The following WNT2B variants were observed in gnomAD, a reference collection of about 807,000 sequenced individuals.
WNT2B encodes the protein Wnt family member 2B, also known as protein Wnt-2b.
In WNT2B, 19 loss-of-function variants were observed where a neutral mutation model predicts 40.5. The observed-to-expected ratio is 0.47, with a 90% CI of 0.33 to 0.69. The LOEUF is 0.69. WNT2B is among the 30% of genes least tolerant of loss of function. WNT2B has a pLI of 0.02. For synonymous variants in WNT2B, 220 were observed against 211.9 expected (o/e 1.04, Z -0.33); for missense variants, 467 against 556.4 (o/e 0.84, Z 1.62).
At chr1:112,505,944 G>A (rs1385664500), upstream of WNT2B, among the ~76,000 whole-genome samples, 1 of 152,150 alleles carries the variant, frequency 6.6e-6, no homozygotes, top group Admixed American at 6.5e-5. Context: ...AGCTGCTGAT[G>A]TTTCTGGCTG....
intron 1 of WNT2B, among the ~76,000 whole-genome samples, chr1:112,489,267 GA>G (rs1266462596): frequency 6.7e-6 from 1 of 148,798 alleles, no homozygotes; most frequent in Admixed American, 6.7e-5. Flanking sequence ...AAAAGAAAAA[GA>G]AAAAAAAAGG....
intron 1 of WNT2B, among the ~76,000 whole-genome samples, chr1:112,474,083 GAAAGAA>G (rs1650980356): frequency 2.2e-5 from 3 of 138,396 alleles, no homozygotes; most frequent in Admixed American, 7.3e-5. Context: ...AAAAAAAAAA[GAAAGAA>G]AAAGAAAAAG....
At position 112,527,768 on chromosome 1, in the gene WNT2B, C is replaced by T. The variant is rs1459394663; in HGVS notation, c.*7259C>T. 3 of 152,424 alleles carry T rather than the reference C, an allele frequency of 2.0e-5. No homozygotes were observed. In the East Asian group the frequency reaches 5.8e-4, roughly 29 times the overall value. 9.4% of individuals were successfully genotyped at this position (152,424 alleles called of 1,614,324 possible). ...GATTGTCAAGCTAGAGGGTTAACTCCTTCCCAATTGTAGGGATCTATTCAG... is the reference window on the plus strand; with the variant it reads ...GATTGTCAAGCTAGAGGGTTAACTCTTTCCCAATTGTAGGGATCTATTCAG... On this transcript the variant is annotated 3_prime_UTR_variant, in exon 5 of 5. Coordinates refer to ENST00000369684, the MANE Select transcript of WNT2B (RefSeq NM_024494.3).
intron 1 of WNT2B, among the ~76,000 whole-genome samples, chr1:112,493,696 G>A (rs539290921): frequency 7.5e-4 from 114 of 151,958 alleles, no homozygotes; most frequent in African/African-American, 2.5e-3. Flanking sequence ...AACCAAGAAC[G>A]GCGGGACAAC....
intron 1 of WNT2B, among the ~76,000 whole-genome samples, chr1:112,494,773 G>C (rs1405189469): frequency 1.3e-5 from 2 of 151,464 alleles, no homozygotes; most frequent in Non-Finnish European, 2.9e-5. Context: ...TCTTTAGAGA[G>C]AAGCAAAATA....
At chr1:112,495,121 G>A (rs1651720908) in intron 1 of WNT2B, among the ~76,000 whole-genome samples, 1 of 151,250 alleles carries the variant, frequency 6.6e-6, no homozygotes, top group Non-Finnish European at 1.5e-5. Flanking sequence ...ACTAAGCAAT[G>A]TAAAAAAATA....
chr1:112,504,650 C>G (rs1337178773), upstream of WNT2B, among the ~76,000 whole-genome samples: 2 of 152,152 alleles, frequency 1.3e-5, no homozygotes. Flanking sequence ...GCATTAGTTA[C>G]CTGTGTGAAC....
At chr1:112,495,578 G>C (rs1651738866) in intron 1 of WNT2B, among the ~76,000 whole-genome samples, 1 of 144,194 alleles carries the variant, frequency 6.9e-6, no homozygotes, top group Admixed American at 7.0e-5. Flanking sequence ...GACAGAGCGA[G>C]ACTCTGTCTC....
chr1:112,486,248 G>A (rs978885255), intron 1 of WNT2B, among the ~76,000 whole-genome samples: 4 of 152,026 alleles, frequency 2.6e-5, no homozygotes, highest in African/African-American at 9.7e-5. Context: ...TTTGAGGCCA[G>A]CCTGGGCAAC....
chr1:112,525,859 A>G lies in WNT2B; in HGVS notation c.*5350A>G. The G allele has an allele frequency of 3.8e-6, 4 of 1,055,006 alleles. No homozygotes were observed. The highest frequency in any genetic ancestry group is 5.2e-6 in the Non-Finnish European group (4 of 766,030). The allele number at this position is 1,055,006 out of a possible 1,614,324, so 65.4% of individuals were successfully genotyped here. On this transcript the variant is annotated 3_prime_UTR_variant, in exon 5 of 5. Coordinates refer to ENST00000369684, the MANE Select transcript of WNT2B (RefSeq NM_024494.3). ...TTCCAAGGGGGGTTTGCCTAGGAAT[A>G]ACAATATTCATAAGAAGCTTTTTCA... is the stretch of plus-strand genomic sequence containing the variant.
chr1:112,501,241 C>T (rs1477002051), intron 1 of WNT2B, among the ~76,000 whole-genome samples: 1 of 152,158 alleles, frequency 6.6e-6, no homozygotes, highest in Non-Finnish European at 1.5e-5. Flanking sequence ...TGTTTTATCG[C>T]ATCATATCAA....
Position 112,509,017 on chromosome 1 carries a change from C to G in WNT2B, c.-246C>G. 2.2e-6 allele frequency: 3 copies of G among 1,345,642 alleles called. No homozygotes were observed. Among genetic ancestry groups the G allele is most frequent in the Non-Finnish European group, 2.8e-6 (3 of 1,057,902 alleles). 83.4% of individuals were successfully genotyped at this position (1,345,642 alleles called of 1,614,324 possible). ...CGCCGCAGACCCCCTGACACCGCAC[C>G]CGGTCCTCAGGCAGCGCGCCCCAGA... On this transcript the variant is annotated 5_prime_UTR_variant, in exon 1 of 5. Coordinates refer to ENST00000369684, the MANE Select transcript of WNT2B (RefSeq NM_024494.3). The surrounding 1 kb of genome is among the most constrained non-coding windows in gnomAD (Gnocchi z 4.2).
Position 112,516,134 on chromosome 1 carries a change from C to T in WNT2B, c.404-6C>T. On this transcript the variant is annotated splice_region_variant and splice_polypyrimidine_tract_variant and intron_variant, in intron 2 of 4. Coordinates refer to ENST00000369684, the MANE Select transcript of WNT2B (RefSeq NM_024494.3). ...CTGAAGCACACCTCTACAATTCTCTCTCTAGGTAGCCGAGAGGCAGCTTTT... is the reference window on the plus strand; with the variant it reads ...CTGAAGCACACCTCTACAATTCTCTTTCTAGGTAGCCGAGAGGCAGCTTTT... 6.2e-7 allele frequency: 1 copy of T among 1,608,238 alleles called. No individual in the cohort carries two copies. Among genetic ancestry groups the T allele is most frequent in the Non-Finnish European group, 8.5e-7 (1 of 1,175,792 alleles).
At chr1:112,517,850 A>C in intron 4 of WNT2B, 1 of 156,968 alleles carries the variant, frequency 6.4e-6, no homozygotes, top group Admixed American at 6.1e-5. Context: ...AAAAAAAGAA[A>C]CTAGAATTTA....
Position 112,520,598 on chromosome 1 carries a change from A to C in WNT2B, c.*89A>C. The stretch of plus-strand genomic sequence containing the variant: ...GCATGCACACCTTCCTCCACCCTCC[A>C]CCCTGGGCTGCTACCGCTTCTATTT... On this transcript the variant is annotated 3_prime_UTR_variant, in exon 5 of 5. Transcript: ENST00000369684. 2 of 1,317,692 alleles carry C rather than the reference A, an allele frequency of 1.5e-6. No homozygotes were observed. Among genetic ancestry groups the C allele is most frequent in the Non-Finnish European group, 2.1e-6 (2 of 941,358 alleles). The allele number at this position is 1,317,692 out of a possible 1,614,324, so 81.6% of individuals were successfully genotyped here. A position where few individuals can be genotyped will look rare whatever the true frequency, so the allele number is the denominator to read the frequency against.
At position 112,530,124 on chromosome 1, in the gene WNT2B, A is replaced by T. The variant is rs1654129128; in HGVS notation, c.*9615A>T. The T allele has an allele frequency of 6.6e-6, 1 of 152,238 alleles. No individual in the cohort carries two copies. The highest frequency in any genetic ancestry group is 2.1e-4 in the South Asian group (1 of 4,832). 9.4% of individuals were successfully genotyped at this position (152,238 alleles called of 1,614,324 possible). A position where few individuals can be genotyped will look rare whatever the true frequency, so the allele number is the denominator to read the frequency against. On this transcript the variant is annotated 3_prime_UTR_variant, in exon 5 of 5. Coordinates refer to ENST00000369684, the MANE Select transcript of WNT2B (RefSeq NM_024494.3). The stretch of plus-strand genomic sequence containing the variant: ...AGCTCAGAGAAGTGAGCGACAAGCT[A>T]GAGAAGTAATAATTACCAATAAAGT...
chr1:112,475,484 A>G (rs907646979), intron 1 of WNT2B, among the ~76,000 whole-genome samples: 18 of 152,240 alleles, frequency 1.2e-4, no homozygotes, highest in Non-Finnish European at 1.8e-4. Flanking sequence ...ATCTCTCTAA[A>G]GAGTTATCAC....
At position 112,509,060 on chromosome 1, in the gene WNT2B, C is replaced by G; in HGVS notation, c.-203C>G. The G allele has an allele frequency of 1.5e-6, 2 of 1,355,418 alleles. No homozygotes were observed. Among genetic ancestry groups the G allele is most frequent in the South Asian group, 1.9e-5 (1 of 52,520 alleles). The allele number at this position is 1,355,418 out of a possible 1,614,324, so 84.0% of individuals were successfully genotyped here. ...GCCCCAGACCCCGGGTTCGGCACGC[C>G]GTCGTCGGCTTCCGGACATCGCAAC... On this transcript the variant is annotated 5_prime_UTR_variant, in exon 1 of 5. Transcript: ENST00000369684. The surrounding 1 kb of genome is among the most constrained non-coding windows in gnomAD (Gnocchi z 4.2).
rs1416648552 is a variant in WNT2B at position 112,529,578 on chromosome 1, C to T, written c.*9069C>T. The T allele has an allele frequency of 6.6e-6, 1 of 151,998 alleles. No individual in the cohort carries two copies. Among genetic ancestry groups the T allele is most frequent in the Non-Finnish European group, 1.5e-5 (1 of 68,006 alleles). The allele number at this position is 151,998 out of a possible 1,614,324, so 9.4% of individuals were successfully genotyped here. A position where few individuals can be genotyped will look rare whatever the true frequency, so the allele number is the denominator to read the frequency against. ...CTAACTGGCTTATTTTTCATCTGTTCTCCCAGAGAAGCTATTATAAGATAG... is the reference window on the plus strand; with the variant it reads ...CTAACTGGCTTATTTTTCATCTGTTTTCCCAGAGAAGCTATTATAAGATAG... On this transcript the variant is annotated 3_prime_UTR_variant, in exon 5 of 5. Transcript: ENST00000369684.
Sources: allele counts gnomAD v4.1 joint callset (sites outside exome capture counted in the v4.1 genomes callset), GRCh38; gene constraint gnomAD v4.1.1; non-coding constraint Gnocchi (gnomAD v3.1); transcripts MANE v1.5; gene names NCBI Gene and HGNC (gene_info 2026-07-23, HGNC 2026-07-21).